The following DNMBP variants were observed in gnomAD, a reference collection of about 807,000 sequenced individuals.
DNMBP encodes dynamin-binding protein.
DNMBP carries 87 observed loss-of-function variants against 150.0 expected under a neutral mutation model. That is an observed-to-expected ratio of 0.58 (90% confidence interval 0.49 to 0.69). The LOEUF is 0.69. Among genes scored for constraint, DNMBP ranks in the 30% least tolerant of loss-of-function variants. The pLI is 0.00. For missense variants in DNMBP, 1,774 were observed against 1,949.0 expected (o/e 0.91, Z 1.69); for synonymous variants, 711 against 750.4 (o/e 0.95, Z 0.86).
intron 6 of DNMBP, among the ~76,000 whole-genome samples, chr10:99,902,619 TAAA>T (rs559947538): frequency 1.1e-3 from 136 of 125,164 alleles, no homozygotes; most frequent in Non-Finnish European, 1.8e-3. Flanking sequence ...TGCCTCCCTT[TAAA>T]AAAAAAAAAA....
intron 4 of DNMBP, among the ~76,000 whole-genome samples, chr10:99,937,120 TTGAACTCC>T (rs945276174): frequency 6.6e-6 from 1 of 152,128 alleles, no homozygotes; most frequent in Admixed American, 6.6e-5. Flanking sequence ...CAGGCTGGTC[TTGAACTCC>T]TGAACTCCTG....
At chr10:99,921,864 GAAAA>G (rs34344466) in intron 4 of DNMBP, among the ~76,000 whole-genome samples, 2 of 23,748 alleles carry the variant, frequency 8.4e-5, no homozygotes, top group African/African-American at 3.6e-4. Flanking sequence ...GATTCCATCT[GAAAA>G]AAAAAAAAAA....
chr10:99,965,802 T>A (rs1297673057), intron 3 of DNMBP, among the ~76,000 whole-genome samples: 3 of 152,126 alleles, frequency 2.0e-5, no homozygotes, highest in Non-Finnish European at 4.4e-5. Flanking sequence ...TGGCCCCACA[T>A]ACTCTTAAGG....
chr10:99,956,916 C>CCAGG lies in DNMBP; in HGVS notation c.557_558insCCTG (p.Glu186AspfsTer26). The CCAGG allele has an allele frequency of 6.2e-7, 1 of 1,614,242 alleles. No homozygotes were observed. Among genetic ancestry groups the CCAGG allele is most frequent in the East Asian group, 2.2e-5 (1 of 44,884 alleles). ...GAAAAATGCCTCTTCGGCCCTCTAA[C>CCAGG]TCCCCTTCAAACCAGCCTGGTTCAG... On this transcript the variant is annotated frameshift_variant, in exon 4 of 17. Transcript: ENST00000324109. LOFTEE classifies it high-confidence loss of function.
intron 1 of DNMBP, among the ~76,000 whole-genome samples, chr10:99,986,081 T>TC (rs2040824429): frequency 6.6e-6 from 1 of 152,192 alleles, no homozygotes; most frequent in Non-Finnish European, 1.5e-5. Flanking sequence ...AAGCCTTTTT[T>TC]CCCTCTCTAA....
chr10:99,953,105 T>C (rs1269832259), intron 4 of DNMBP, among the ~76,000 whole-genome samples: 1 of 152,188 alleles, frequency 6.6e-6, no homozygotes, highest in Non-Finnish European at 1.5e-5. Flanking sequence ...CTGGTGAATA[T>C]GAATGAAGTC....
At chr10:99,904,620 C>G (rs2133238022) in intron 6 of DNMBP, among the ~76,000 whole-genome samples, 1 of 152,262 alleles carries the variant, frequency 6.6e-6, no homozygotes, top group South Asian at 2.1e-4. Flanking sequence ...CTCCCTCAAG[C>G]CCCACCACCC....
intron 1 of DNMBP, among the ~76,000 whole-genome samples, chr10:99,986,110 C>A (rs2040824736): frequency 6.6e-6 from 1 of 152,162 alleles, no homozygotes; most frequent in Admixed American, 6.6e-5. Flanking sequence ...GGATATACAT[C>A]TTTCTTATCC....
At position 99,877,092 on chromosome 10, in the gene DNMBP, C is replaced by CGTGTCATCA; in HGVS notation, c.*58_*59insTGATGACAC. The CGTGTCATCA allele has an allele frequency of 7.2e-7, 1 of 1,383,414 alleles. No individual in the cohort carries two copies. The highest frequency in any genetic ancestry group is 9.5e-7 in the Non-Finnish European group (1 of 1,056,938). 85.7% of individuals were successfully genotyped at this position (1,383,414 alleles called of 1,614,324 possible). ...AGCAGGCGCCCTCTCGGTGGGCCGC[C>CGTGTCATCA]AGAACCCTCGGCGGACTGAAAGCAA... On this transcript the variant is annotated 3_prime_UTR_variant, in exon 17 of 17. Transcript: ENST00000324109.
chr10:99,891,161 T>TCTCC, intron 11 of DNMBP, among the ~76,000 whole-genome samples: 1 of 148,780 alleles, frequency 6.7e-6, no homozygotes, highest in Admixed American at 6.6e-5. Context: ...TCCCTCTCCC[T>TCTCC]CTCCCCCTCT....
chr10:99,875,825 T>G lies in DNMBP; in HGVS notation c.*1326A>C, dbSNP rs2039262279. 2 of 152,242 alleles carry G rather than the reference T, an allele frequency of 1.3e-5. No homozygotes were observed. The highest frequency in any genetic ancestry group is 6.5e-5 in the Admixed American group (1 of 15,276). The allele number at this position is 152,242 out of a possible 1,614,324, so 9.4% of individuals were successfully genotyped here. On this transcript the variant is annotated 3_prime_UTR_variant, in exon 17 of 17. Transcript: ENST00000324109. ...AAAGACAAATTTCATGGTTTCCCAT[T>G]CCAAGATAGGCTTCATAGCTGGGGA...
Position 99,893,030 on chromosome 10 carries a change from TATA to T in DNMBP, c.3156+1913_3156+1915del, listed in dbSNP as rs576404731. Among the ~76,000 whole-genome samples the T allele has an allele frequency of 7.6e-4, 116 of 152,182 alleles. 2 individuals carry two copies. Among genetic ancestry groups the T allele is most frequent in the African/African-American group, 2.7e-3 (112 of 41,536 alleles). ...AGAATATAGGTAAGTCACAGAAAAA[TATA>T]ATGATATAGACATATAAGAATATTC... On this transcript the variant is annotated intron_variant, in intron 11 of 16. Transcript: ENST00000324109.
At chr10:99,987,605 G>A (rs760519238) in intron 1 of DNMBP, among the ~76,000 whole-genome samples, 4 of 152,012 alleles carry the variant, frequency 2.6e-5, no homozygotes, top group Non-Finnish European at 5.9e-5. Flanking sequence ...ATGATGGTGT[G>A]CACCTGTAGT....
At chr10:99,882,787 A>C (rs902612255) in intron 15 of DNMBP, among the ~76,000 whole-genome samples, 3 of 152,164 alleles carry the variant, frequency 2.0e-5, no homozygotes, top group Non-Finnish European at 4.4e-5. Context: ...AAATAAGGCC[A>C]GGTGCCGTGG....
At chr10:99,880,603 C>T (rs2039352144) in intron 15 of DNMBP, among the ~76,000 whole-genome samples, 1 of 152,134 alleles carries the variant, frequency 6.6e-6, no homozygotes, top group Non-Finnish European at 1.5e-5. Context: ...CCGCAGCTGC[C>T]TGCCGGTTCA....
chr10:99,915,108 A>AAAAAATATATAT lies in DNMBP; in HGVS notation c.2261-5963_2261-5962insATATATATTTTT, dbSNP rs10654940. The stretch of plus-strand genomic sequence containing the variant: ...AAACTCTGTCTCAAAAAAAAAAAAA[A>AAAAAATATATAT]ATATATATATATATATATATACACA... On this transcript the variant is annotated intron_variant, in intron 4 of 16. Transcript: ENST00000324109. 3.5e-3 allele frequency among the ~76,000 whole-genome samples: 348 copies of AAAAAATATATAT among 99,704 alleles called. 3 individuals are homozygous for AAAAAATATATAT. The highest frequency in any genetic ancestry group is 0.012 in the African/African-American group (278 of 22,594). The allele number at this position is 99,704 out of a possible 152,430, so 65.4% of individuals were successfully genotyped here. A position where few individuals can be genotyped will look rare whatever the true frequency, so the allele number is the denominator to read the frequency against.
At chr10:99,896,464 GA>G (rs1274656868) in intron 9 of DNMBP, 67 bp from the exon 10 acceptor site, 2 of 1,511,488 alleles carry the variant, frequency 1.3e-6, no homozygotes, top group Non-Finnish European at 1.8e-6. Flanking sequence ...CATAAAATGA[GA>G]TGAACACCCA....
intron 6 of DNMBP, among the ~76,000 whole-genome samples, chr10:99,904,673 GCC>G (rs1186581239): frequency 6.6e-6 from 1 of 152,112 alleles, no homozygotes; most frequent in African/African-American, 2.4e-5. Flanking sequence ...CTAGGTCTCA[GCC>G]TTTCAGTGTT....
chr10:99,943,204 G>A (rs1208133895), intron 4 of DNMBP, among the ~76,000 whole-genome samples: 1 of 151,780 alleles, frequency 6.6e-6, no homozygotes, highest in Non-Finnish European at 1.5e-5. Context: ...AGAATCGCTT[G>A]AACCCGGGAG....
Sources: allele counts gnomAD v4.1 joint callset (sites outside exome capture counted in the v4.1 genomes callset), GRCh38; gene constraint gnomAD v4.1.1; transcripts MANE v1.5; gene names NCBI Gene and HGNC (gene_info 2026-07-23, HGNC 2026-07-21).